Variants in CFAP299 observed in about 807,000 individuals in gnomAD.
CFAP299 encodes the protein cilia and flagella associated protein 299.
A neutral mutation model predicts 27.0 loss-of-function variants in CFAP299; 21 were observed. That is an observed-to-expected ratio of 0.78 (90% CI 0.55 to 1.12). The LOEUF (loss-of-function observed/expected upper bound fraction) is 1.12, where lower values mean the gene tolerates loss of function less well. Ranked by LOEUF, CFAP299 falls within the 50% of genes most tolerant of loss-of-function variation. The probability of loss-of-function intolerance (pLI) is 0.00; values close to 1 mark genes in which losing one functional copy is unlikely to be tolerated. For missense variants in CFAP299, 310 were observed against 276.6 expected, an observed-to-expected ratio of 1.12 and a Z score of -0.86; for synonymous variants, 104 against 98.1, an observed-to-expected ratio of 1.06 and a Z score of -0.36.
chr4:80,902,586 T>TATATATACACAC (rs370673737), intron 4 of CFAP299, among the ~76,000 whole-genome samples: 24 of 126,698 alleles, frequency 1.9e-4, no homozygotes, highest in African/African-American at 6.5e-4. Context: ...ATGTAATATA[T>TATATATACACAC]ACACACACAC....
intron 2 of CFAP299, among the ~76,000 whole-genome samples, chr4:80,548,464 A>G (rs13109882): frequency 0.11 from 16,407 of 152,168 alleles, 1,077 homozygotes; most frequent in Middle Eastern, 0.19. Context: ...CGATGGGATT[A>G]TTCGTATGTC....
At chr4:80,530,902 G>A (rs1286721740) in intron 2 of CFAP299, among the ~76,000 whole-genome samples, 1 of 152,184 alleles carries the variant, frequency 6.6e-6, no homozygotes, top group East Asian at 1.9e-4. Flanking sequence ...TAGGAAATGA[G>A]ATCCAAGACC....
At chr4:80,850,706 A>C (rs913129736) in intron 3 of CFAP299, among the ~76,000 whole-genome samples, 4 of 152,058 alleles carry the variant, frequency 2.6e-5, no homozygotes, top group African/African-American at 7.2e-5. Context: ...AAACAGGAGA[A>C]TCATATGCTG....
rs535114309 is a variant in CFAP299, at chr4:80,735,737, T to C, written c.334-134256T>C. 2.6e-5 allele frequency among the ~76,000 whole-genome samples: 4 copies of C among 152,286 alleles called. No homozygotes were observed. In the East Asian group the frequency reaches 7.7e-4, roughly 29 times the overall value. The stretch of plus-strand genomic sequence containing the variant: ...CATTCTGTTGATAAGATATATCAGA[T>C]TGATTGATTTGCATATGTTGAAGTA... On this transcript the variant is annotated intron_variant, in intron 3 of 5. Transcript: ENST00000358105.
chr4:80,362,753 G>C lies in CFAP299; in HGVS notation c.112-1G>C. On this transcript the variant is annotated splice_acceptor_variant, in intron 1 of 5. Transcript: ENST00000358105. LOFTEE classifies it high-confidence loss of function. ...CACCTAACAACTGATTTTCTCTCTAGGATGAAACCCTGGCCCGCCAGTTGG... is the reference window on the plus strand; with the variant it reads ...CACCTAACAACTGATTTTCTCTCTACGATGAAACCCTGGCCCGCCAGTTGG... 1 of 1,598,730 alleles carries C rather than the reference G, an allele frequency of 6.3e-7. No homozygotes were observed. Among genetic ancestry groups the C allele is most frequent in the East Asian group, 2.2e-5 (1 of 44,546 alleles).
At chr4:80,808,706 A>G (rs906554627) in intron 3 of CFAP299, among the ~76,000 whole-genome samples, 7 of 152,036 alleles carry the variant, frequency 4.6e-5, no homozygotes, top group Admixed American at 1.3e-4. Flanking sequence ...GCATTAACTA[A>G]TGTGATTTTT....
chr4:80,362,903 A>C lies in CFAP299; in HGVS notation c.242+19A>C. On this transcript the variant is annotated intron_variant, in intron 2 of 5. Transcript: ENST00000358105. Reference sequence around the variant, plus strand: ...AGCAAAAGTAAGTGTCCATGTTCCAAATCCAGATTTTATGTTATATTCTAG... The same window carrying C: ...AGCAAAAGTAAGTGTCCATGTTCCACATCCAGATTTTATGTTATATTCTAG... 4.4e-6 allele frequency: 7 copies of C among 1,592,094 alleles called. No homozygotes were observed. Among genetic ancestry groups the C allele is most frequent in the Non-Finnish European group, 6.0e-6 (7 of 1,173,562 alleles).
At chr4:80,543,387 T>C (rs1014612380) in intron 2 of CFAP299, among the ~76,000 whole-genome samples, 2 of 152,116 alleles carry the variant, frequency 1.3e-5, no homozygotes, top group Non-Finnish European at 2.9e-5. Context: ...AGACACAGAA[T>C]TCAGAATCTG....
intron 1 of CFAP299, among the ~76,000 whole-genome samples, chr4:80,354,813 G>A (rs1723184106): frequency 6.6e-6 from 1 of 152,002 alleles, no homozygotes; most frequent in South Asian, 2.1e-4. Flanking sequence ...AAGAATAATG[G>A]TCTCCAGCTC....
At position 80,808,155 on chromosome 4, in the gene CFAP299, A is replaced by G. The variant is rs565447845; in HGVS notation, c.334-61838A>G. 6.3e-4 allele frequency among the ~76,000 whole-genome samples: 96 copies of G among 152,214 alleles called. 2 individuals carry two copies. The highest frequency in any genetic ancestry group is 2.2e-3 in the African/African-American group (91 of 41,562). On this transcript the variant is annotated intron_variant, in intron 3 of 5. Coordinates refer to ENST00000358105, the MANE Select transcript of CFAP299 (RefSeq NM_152770.3). Reference sequence around the variant, plus strand: ...TCATATAGTTACATTTCAGTTTTTCATTTTGATACCGAAATAGTGAAATAT... The same window carrying G: ...TCATATAGTTACATTTCAGTTTTTCGTTTTGATACCGAAATAGTGAAATAT...
intron 2 of CFAP299, among the ~76,000 whole-genome samples, chr4:80,555,261 G>C (rs961759248): frequency 6.6e-6 from 1 of 152,058 alleles, no homozygotes. Flanking sequence ...TAATCATGTA[G>C]TTTTTGTCTT....
chr4:80,555,794 C>T (rs1734752124), intron 2 of CFAP299, among the ~76,000 whole-genome samples: 2 of 151,942 alleles, frequency 1.3e-5, no homozygotes, highest in Non-Finnish European at 1.5e-5. Flanking sequence ...CAGAGGTGCT[C>T]ATTGTAGTTT....
At chr4:80,330,940 T>C (rs145565037), upstream of CFAP299, among the ~76,000 whole-genome samples, 538 of 152,324 alleles carry the variant, frequency 3.5e-3, 5 homozygotes, top group African/African-American at 0.012. Flanking sequence ...GTTGACATAG[T>C]CTTTGCCTTT....
intron 3 of CFAP299, among the ~76,000 whole-genome samples, chr4:80,750,380 G>T (rs1020287414): frequency 5.9e-5 from 9 of 151,972 alleles, no homozygotes; most frequent in Non-Finnish European, 1.0e-4. Context: ...TATAATTACT[G>T]GGTTTACAGA....
At chr4:80,854,863 G>A (rs184182204) in intron 3 of CFAP299, among the ~76,000 whole-genome samples, 2 of 143,528 alleles carry the variant, frequency 1.4e-5, no homozygotes, top group African/African-American at 5.2e-5. Context: ...GGGTTGAAAC[G>A]GTATCAGAAT....
the CFAP299 span, among the ~76,000 whole-genome samples, chr4:80,322,069 T>C: frequency 6.6e-6 from 1 of 152,046 alleles, no homozygotes; most frequent in Non-Finnish European, 1.5e-5. Context: ...GCACCCAGGG[T>C]CATTGTGGGC....
intron 2 of CFAP299, among the ~76,000 whole-genome samples, chr4:80,430,367 A>G (rs542726376): frequency 2.0e-5 from 3 of 152,294 alleles, no homozygotes; most frequent in Admixed American, 2.0e-4. Flanking sequence ...CTGCCTTGCA[A>G]TACTTTCTTC....
chr4:80,825,221 G>A (rs75041879), intron 3 of CFAP299, among the ~76,000 whole-genome samples: 11 of 151,516 alleles, frequency 7.3e-5, no homozygotes, highest in South Asian at 2.1e-4. Flanking sequence ...TATTATGTCC[G>A]AGGAAAAGAA....
intron 2 of CFAP299, among the ~76,000 whole-genome samples, chr4:80,414,873 T>C (rs1005079929): frequency 2.0e-5 from 3 of 152,254 alleles, no homozygotes; most frequent in Non-Finnish European, 2.9e-5. Flanking sequence ...TTGACAAATG[T>C]ATTTTATGTG....
Sources: allele counts gnomAD v4.1 joint callset (sites outside exome capture counted in the v4.1 genomes callset), GRCh38; gene constraint gnomAD v4.1.1; transcripts MANE v1.5; gene names NCBI Gene and HGNC (gene_info 2026-07-23, HGNC 2026-07-21).